TIAM1: variants seen among roughly 807,000 people sequenced by gnomAD.
TIAM1 encodes the protein TIAM Rac1 associated GEF 1, also known as rho guanine nucleotide exchange factor TIAM1.
Under a neutral mutation model 163.5 loss-of-function variants are expected in TIAM1, and 65 were observed. The observed-to-expected ratio is 0.40, with a 90% confidence interval of 0.33 to 0.49. TIAM1 has a LOEUF of 0.49. Among genes scored for constraint, TIAM1 ranks in the 20% least tolerant of loss-of-function variants. The probability of loss-of-function intolerance (pLI) is 0.77; values close to 1 mark genes in which losing one functional copy is unlikely to be tolerated. For synonymous variants in TIAM1, 833 were observed against 810.1 expected (o/e 1.03, Z -0.48); for missense variants, 1,789 against 2,044.7 (o/e 0.87, Z 2.41).
At chr21:31,489,363 GGGGGGAGAGGAGGAGGAGGAGGAGGA>G (rs2046379086) in intron 1 of TIAM1, among the ~76,000 whole-genome samples, 1 of 113,406 alleles carries the variant, frequency 8.8e-6, no homozygotes, top group Non-Finnish European at 1.9e-5. Flanking sequence ...GACAAGGTTG[GGGGGGAGAGGAGGAGGAGGAGGAGGA>G]GAGGGAGGGG....
chr21:31,490,237 C>T (rs2046420049), intron 1 of TIAM1, among the ~76,000 whole-genome samples: 1 of 152,096 alleles, frequency 6.6e-6, no homozygotes. Flanking sequence ...GAGGCCCTCT[C>T]TAATTCTACT....
At chr21:31,353,829 A>ATTTTTTTT (rs2076272212) in intron 2 of TIAM1, among the ~76,000 whole-genome samples, 2 of 67,224 alleles carry the variant, frequency 3.0e-5, no homozygotes, top group Non-Finnish European at 6.2e-5. Context: ...TTATTTATTT[A>ATTTTTTTT]TTTATCTTTT....
chr21:31,146,800 T>C, intron 20 of TIAM1, 95 bp downstream of exon 20: 1 of 895,648 alleles, frequency 1.1e-6, no homozygotes, highest in Non-Finnish European at 1.8e-6. Flanking sequence ...TGGCAACCAA[T>C]GACTCTTAGA....
intron 1 of TIAM1, among the ~76,000 whole-genome samples, chr21:31,504,522 A>T (rs564257837): frequency 2.0e-5 from 3 of 152,198 alleles, no homozygotes; most frequent in Non-Finnish European, 4.4e-5. Flanking sequence ...GGGAGCTGGG[A>T]TCTAGGTCGC....
At chr21:31,243,847 T>C (rs935101175) in intron 6 of TIAM1, among the ~76,000 whole-genome samples, 3 of 152,158 alleles carry the variant, frequency 2.0e-5, no homozygotes, top group African/African-American at 7.2e-5. Context: ...TGAAATAAGA[T>C]GGTCAATTAA....
intron 3 of TIAM1, among the ~76,000 whole-genome samples, chr21:31,274,754 T>A (rs2073213986): frequency 6.6e-6 from 1 of 152,216 alleles, no homozygotes; most frequent in South Asian, 2.1e-4. Flanking sequence ...AATTAAAATC[T>A]GAGATTTGAG....
intron 2 of TIAM1, among the ~76,000 whole-genome samples, chr21:31,385,780 G>A (rs2076856597): frequency 6.9e-6 from 1 of 144,940 alleles, no homozygotes; most frequent in Non-Finnish European, 1.5e-5. Flanking sequence ...GAACAAATAT[G>A]TATATATAAT....
At chr21:31,487,281 C>T (rs1485484416) in intron 1 of TIAM1, among the ~76,000 whole-genome samples, 5 of 152,182 alleles carry the variant, frequency 3.3e-5, no homozygotes, top group Non-Finnish European at 1.5e-5. Flanking sequence ...ATCCTCCAGC[C>T]CAAAAGCTCA....
intron 6 of TIAM1, among the ~76,000 whole-genome samples, chr21:31,242,543 T>TGA (rs1358679923): frequency 6.6e-6 from 1 of 152,142 alleles, no homozygotes; most frequent in Non-Finnish European, 1.5e-5. Flanking sequence ...TGGAAGCTAG[T>TGA]TGCCTGAGCG....
chr21:31,485,487 T>C (rs761614904), intron 1 of TIAM1, among the ~76,000 whole-genome samples: 12 of 152,102 alleles, frequency 7.9e-5, no homozygotes, highest in Non-Finnish European at 1.6e-4. Context: ...CCTGAGAGTG[T>C]GGAGAGAGGA....
intron 2 of TIAM1, among the ~76,000 whole-genome samples, chr21:31,400,223 G>A (rs373854863): frequency 1.4e-4 from 21 of 152,084 alleles, no homozygotes; most frequent in African/African-American, 5.1e-4. Flanking sequence ...CACCCCCTGG[G>A]TTCAAGCAAT....
At chr21:31,493,166 T>G (rs2046532599) in intron 1 of TIAM1, among the ~76,000 whole-genome samples, 1 of 152,178 alleles carries the variant, frequency 6.6e-6, no homozygotes, top group Non-Finnish European at 1.5e-5. Context: ...TGCAAAGGAT[T>G]CAGTTATATT....
Position 31,373,910 on chromosome 21 carries a change from C to T in TIAM1, c.-368-34488G>A, listed in dbSNP as rs8126752. On this transcript the variant is annotated intron_variant, in intron 2 of 28. Transcript: ENST00000286827. ...CCCCACTCCTCCCATATCCTCAAAG[C>T]TGCCATCACCTACAACAGCTCCCTC... Among the ~76,000 whole-genome samples, 389 of 152,246 alleles carry T rather than the reference C, an allele frequency of 2.6e-3. 1 individual carries two copies. The highest frequency in any genetic ancestry group is 8.3e-3 in the African/African-American group (346 of 41,528).
chr21:31,337,518 G>GTTATTATTACTATTA (rs2075881360), intron 2 of TIAM1, among the ~76,000 whole-genome samples: 2 of 147,272 alleles, frequency 1.4e-5, no homozygotes, highest in East Asian at 3.9e-4. Flanking sequence ...TATTATTGTT[G>GTTATTATTACTATTA]TTATTATTAT....
At chr21:31,177,572 A>C (rs2084818548) in intron 15 of TIAM1, among the ~76,000 whole-genome samples, 1 of 152,116 alleles carries the variant, frequency 6.6e-6, no homozygotes, top group African/African-American at 2.4e-5. Flanking sequence ...CTGCCACTGC[A>C]CTCCAGGCTG....
intron 1 of TIAM1, among the ~76,000 whole-genome samples, chr21:31,539,560 C>T (rs1367087767): frequency 3.9e-5 from 6 of 152,098 alleles, no homozygotes; most frequent in African/African-American, 9.7e-5. Flanking sequence ...CCACCGCGCC[C>T]GGCCGGAATG....
intron 20 of TIAM1, among the ~76,000 whole-genome samples, chr21:31,143,797 G>T (rs1411142948): frequency 1.3e-5 from 2 of 151,752 alleles, no homozygotes; most frequent in African/African-American, 4.8e-5. Context: ...GCACACTGTG[G>T]ATCACTGCAA....
intron 1 of TIAM1, among the ~76,000 whole-genome samples, chr21:31,547,233 T>A (rs1029291421): frequency 6.6e-6 from 1 of 152,240 alleles, no homozygotes; most frequent in Non-Finnish European, 1.5e-5. Context: ...GTCTTTGTCA[T>A]GAAGACTGCA....
At chr21:31,347,710 A>AT (rs1470312890), upstream of TIAM1, among the ~76,000 whole-genome samples, 1 of 152,178 alleles carries the variant, frequency 6.6e-6, no homozygotes, top group East Asian at 1.9e-4. Flanking sequence ...AATAACACAC[A>AT]TCACCGCAAA....
Sources: gnomAD v4.1 joint callset for allele counts (sites outside exome capture counted in the v4.1 genomes callset) on GRCh38, gnomAD v4.1.1 for gene constraint, MANE v1.5 for transcripts, NCBI Gene and HGNC (gene_info 2026-07-23, HGNC 2026-07-21) for gene names.